The following SFTPB variants were observed in gnomAD, a reference collection of about 807,000 sequenced individuals.
SFTPB encodes the protein pulmonary surfactant-associated protein B.
Under a neutral mutation model 51.0 loss-of-function variants are expected in SFTPB, and 32 were observed. The ratio of observed to expected loss-of-function variants is 0.63; its 90% CI spans 0.47 to 0.84. The LOEUF is 0.84. SFTPB is among the 40% of genes least tolerant of loss of function. The pLI is 0.00. For missense variants in SFTPB, 431 were observed against 491.2 expected (o/e 0.88, Z 1.16); for synonymous variants, 211 against 208.5 (o/e 1.01, Z -0.10).
chr2:85,666,390 ACTGTGTGTGTGTGTGTCCGGCCAG>A, intron 4 of SFTPB: 1 of 335,242 alleles, frequency 3.0e-6, no homozygotes, highest in East Asian at 5.5e-5. Context: ...CAGCTGGGGT[ACTGTGTGTGTGTGTGTCCGGCCAG>A]CTGGGGTGTT....
chr2:85,665,043 G>A (rs568611239), intron 6 of SFTPB, among the ~76,000 whole-genome samples: 7 of 152,280 alleles, frequency 4.6e-5, no homozygotes, highest in Admixed American at 3.3e-4. Flanking sequence ...GGCTCCTGGC[G>A]TGGCACCTCC....
In SFTPB at chr2:85,666,359, CTG is replaced by C. The variant is rs57610071; in HGVS notation, c.393+256_393+257del. Among the ~76,000 whole-genome samples the C allele has an allele frequency of 3.6e-4, 38 of 106,020 alleles. 1 individual carries two copies. Among genetic ancestry groups the C allele is most frequent in the East Asian group, 2.1e-3 (8 of 3,758 alleles). The allele number at this position is 106,020 out of a possible 152,430, so 69.6% of individuals were successfully genotyped here. A position where few individuals can be genotyped will look rare whatever the true frequency, so the allele number is the denominator to read the frequency against. ...TGTGTGTATGTGTCTGGATAGGGTG[CTG>C]TGTGTGTGTGTGTCCGGCCAGCTGG... On this transcript the variant is annotated intron_variant, in intron 4 of 10. Coordinates refer to ENST00000519937, the MANE Select transcript of SFTPB (RefSeq NM_000542.5).
At position 85,667,715 on chromosome 2, in the gene SFTPB, C is replaced by T. The variant is rs1321225200; in HGVS notation, c.159G>A (p.Gly53=). The change falls in exon 2 of 11, where the codon GGG becomes GGA. Residue 53 remains glycine (G), a synonymous_variant. Coordinates refer to ENST00000519937, the MANE Select transcript of SFTPB (RefSeq NM_000542.5). The part of the protein sequence containing the change: ...LEQALQCRAL[G]HCLQEVWGHV... The stretch of plus-strand genomic sequence containing the variant: ...GTCCCCAGACTTCCTGTAGGCAATG[C>T]CCTAGGGCTCTGCACTGCAATGCTT... The T allele has an allele frequency of 5.6e-6, 9 of 1,614,142 alleles. No individual in the cohort carries two copies. Among genetic ancestry groups the T allele is most frequent in the Non-Finnish European group, 7.6e-6 (9 of 1,180,054 alleles).
At chr2:85,662,331 C>G in intron 8 of SFTPB, 1 of 1,397,126 alleles carries the variant, frequency 7.2e-7, no homozygotes, top group Non-Finnish European at 9.4e-7. Flanking sequence ...AGACGGAGGA[C>G]TCAGGCAGAG....
chr2:85,668,300 C>T (rs1677761655), upstream of SFTPB: 1 of 979,070 alleles, frequency 1.0e-6, no homozygotes, highest in Non-Finnish European at 1.6e-6. Flanking sequence ...CTGAAGAGCC[C>T]TCCAGGTGCT....
At chr2:85,663,207 G>T in intron 8 of SFTPB, 139 bp downstream of exon 8, 1 of 1,209,208 alleles carries the variant, frequency 8.3e-7, no homozygotes, top group South Asian at 1.2e-5. Flanking sequence ...TCCCACCATT[G>T]TCTGCCCCAC....
chr2:85,666,875 G>T, intron 3 of SFTPB, 133 bp from the exon 4 acceptor site: 3 of 1,242,398 alleles, frequency 2.4e-6, no homozygotes, highest in South Asian at 1.2e-5. Context: ...GTGCCAAGGA[G>T]TTAAGTAGTT....
At chr2:85,660,207 C>T (rs1184024174) in intron 10 of SFTPB, among the ~76,000 whole-genome samples, 2 of 150,932 alleles carry the variant, frequency 1.3e-5, no homozygotes, top group African/African-American at 2.4e-5. Context: ...GCTGCAATCT[C>T]CGCCTCCCAG....
At position 85,665,792 on chromosome 2, in the gene SFTPB, G is replaced by A. The variant is rs529554098; in HGVS notation, c.396C>T (p.Asp132=). ...LVIDYFQNQT[D]SNGICMHLGL... ...CCAGGTGCATACAGATGCCGTTTGA[G>A]TCCTGGGGCACAGCACAGGGTGGGA... Residue 132 remains aspartate, a splice_region_variant and synonymous_variant, in exon 5 of 11, where the codon GAC becomes GAT. Coordinates refer to ENST00000519937, the MANE Select transcript of SFTPB (RefSeq NM_000542.5). 6.2e-7 allele frequency: 1 copy of A among 1,614,172 alleles called. No homozygotes were observed. The highest frequency in any genetic ancestry group is 1.1e-5 in the South Asian group (1 of 91,086).
Position 85,661,497 on chromosome 2 carries a change from C to G in SFTPB, c.1122G>C (p.Gln374His), listed in dbSNP as rs551956264. 6 of 1,612,160 alleles carry G rather than the reference C, an allele frequency of 3.7e-6. No individual in the cohort carries two copies. The African/African-American group carries it at 6.7e-5, about 18-fold the overall frequency. Residue 374 changes from glutamine to histidine, a missense_variant, in exon 10 of 11, where the codon CAG (glutamine) becomes CAC (histidine). By Grantham distance (24) the Gln-to-His change is conservative. Coordinates refer to ENST00000519937, the MANE Select transcript of SFTPB (RefSeq NM_000542.5). ...ATCAAAGGTCGGGGCTGTGGATACA[C>G]TGGAGAGGGCTGGACATGGTCCCAC... ...GVCGTMSSPL[Q>H]CIHSPDL
chr2:85,664,452 T>G (rs1677472863), intron 6 of SFTPB, among the ~76,000 whole-genome samples: 1 of 152,100 alleles, frequency 6.6e-6, no homozygotes, highest in South Asian at 2.1e-4. Context: ...CTGCAATCTC[T>G]GCAGTGATCT....
In SFTPB at chr2:85,666,600, G is replaced by T. The variant is rs775855148; in HGVS notation, c.393+17C>A. ...CTGCGTGGGGAGGCAGGCAGGAGGT[G>T]AGCTTGCAGCCCTCACAGTCTGGTT... On this transcript the variant is annotated intron_variant, in intron 4 of 10. Transcript: ENST00000519937. The T allele has an allele frequency of 6.2e-7, 1 of 1,612,856 alleles. No individual in the cohort carries two copies. Among genetic ancestry groups the T allele is most frequent in the Non-Finnish European group, 8.5e-7 (1 of 1,179,494 alleles).
chr2:85,661,666 C>G, intron 9 of SFTPB, 131 bp from the exon 10 acceptor site: 1 of 730,478 alleles, frequency 1.4e-6, no homozygotes, highest in Non-Finnish European at 2.3e-6. Context: ...CTGTAGACCC[C>G]TCGGGCCACT....
At chr2:85,660,519 G>A (rs3024821) in intron 10 of SFTPB, among the ~76,000 whole-genome samples, 19,846 of 142,284 alleles carry the variant, frequency 0.14, 1,806 homozygotes, top group African/African-American at 0.25. Context: ...GCACGATCTC[G>A]GCACACCGCA....
chr2:85,663,623 G>C (rs770074073), intron 7 of SFTPB, 41 bp downstream of exon 7: 26 of 1,595,624 alleles, frequency 1.6e-5, no homozygotes, highest in Non-Finnish European at 2.2e-5. Context: ...AGGGGGAGGA[G>C]GAGAGCAGGC....
At chr2:85,665,167 C>A (rs912286893) in intron 6 of SFTPB, 122 bp downstream of exon 6, 4 of 828,826 alleles carry the variant, frequency 4.8e-6, no homozygotes, top group Non-Finnish European at 6.3e-6. Context: ...GCTCTCTCCC[C>A]TCCTAACTTC....
At position 85,663,396 on chromosome 2, in the gene SFTPB, G is replaced by A; in HGVS notation, c.952C>T (p.Pro318Ser). ...ACACAGGCCTGGAGCATTGCCTGTG[G>A]TATGGCCTGCTCGCTGCTGTTCCCG... is the stretch of plus-strand genomic sequence containing the variant. ...QAGNSSEQAI[P>S]QAMLQACVGS... Residue 318 changes from proline to serine, a missense_variant, in exon 8 of 11, where the codon CCA (proline) becomes TCA (serine). Transcript: ENST00000519937. The A allele has an allele frequency of 1.9e-6, 3 of 1,613,820 alleles. No individual in the cohort carries two copies. The highest frequency in any genetic ancestry group is 2.5e-6 in the Non-Finnish European group (3 of 1,180,028).
intron 6 of SFTPB, among the ~76,000 whole-genome samples, chr2:85,664,351 C>T (rs1334103590): frequency 2.0e-5 from 3 of 152,174 alleles, no homozygotes; most frequent in African/African-American, 7.2e-5. Context: ...CCTCACGCTC[C>T]AGGCCCATCC....
chr2:85,661,449 C>A lies in SFTPB; in HGVS notation c.*19+5G>T. 1 of 1,602,680 alleles carries A rather than the reference C, an allele frequency of 6.2e-7. No individual in the cohort carries two copies. The highest frequency in any genetic ancestry group is 8.5e-7 in the Non-Finnish European group (1 of 1,173,826). On this transcript the variant is annotated splice_donor_5th_base_variant and intron_variant, in intron 10 of 10. Coordinates refer to ENST00000519937, the MANE Select transcript of SFTPB (RefSeq NM_000542.5). The stretch of plus-strand genomic sequence containing the variant: ...ACCTCCCCGCAACTGGGGGCCTGGA[C>A]TCACCTGGACAGCTGAGTTCTCATC...
Sources: allele counts gnomAD v4.1 joint callset (sites outside exome capture counted in the v4.1 genomes callset), GRCh38; gene constraint gnomAD v4.1.1; transcripts MANE v1.5; gene names NCBI Gene and HGNC (gene_info 2026-07-23, HGNC 2026-07-21).